Variants in MCTP2 observed in about 807,000 individuals in gnomAD.
MCTP2 encodes the protein multiple C2 and transmembrane domain containing 2, also known as multiple C2 and transmembrane domain-containing protein 2.
MCTP2 carries 132 observed loss-of-function variants against 111.6 expected under a neutral mutation model. That is an observed-to-expected ratio of 1.18 (90% CI 1.03 to 1.37). The LOEUF (loss-of-function observed/expected upper bound fraction) is 1.37, where lower values mean the gene tolerates loss of function less well. MCTP2 is among the 40% of genes most tolerant of loss of function. The pLI is 0.00. For missense variants in MCTP2, 1,183 were observed against 1,067.9 expected (o/e 1.11, Z -1.50); for synonymous variants, 395 against 387.7 (o/e 1.02, Z -0.22).
At chr15:94,462,694 C>T (rs1214437474) in intron 20 of MCTP2, among the ~76,000 whole-genome samples, 1 of 152,146 alleles carries the variant, frequency 6.6e-6, no homozygotes, top group Non-Finnish European at 1.5e-5. Context: ...GGGATCGTAA[C>T]CAATTTTCTG....
At chr15:94,328,189 C>T (rs1420114719) in intron 4 of MCTP2, among the ~76,000 whole-genome samples, 6 of 148,124 alleles carry the variant, frequency 4.1e-5, no homozygotes, top group South Asian at 2.1e-4. Flanking sequence ...AGTGCAGTGG[C>T]GTGATCTCGG....
chr15:94,450,601 T>C (rs916321668), intron 19 of MCTP2, among the ~76,000 whole-genome samples: 1 of 152,234 alleles, frequency 6.6e-6, no homozygotes, highest in Non-Finnish European at 1.5e-5. Flanking sequence ...GCTTTTAATA[T>C]TCAGTGGGAT....
At chr15:94,451,899 T>C (rs760570589) in intron 19 of MCTP2, among the ~76,000 whole-genome samples, 11 of 152,206 alleles carry the variant, frequency 7.2e-5, no homozygotes, top group Non-Finnish European at 1.3e-4. Flanking sequence ...TTTGCCTTCT[T>C]GAAGGGAAGG....
At position 94,429,623 on chromosome 15, in the gene MCTP2, T is replaced by C. The variant is rs1359272605; in HGVS notation, c.2086-10553T>C. Among the ~76,000 whole-genome samples the C allele has an allele frequency of 2.0e-5, 3 of 152,222 alleles. No individual in the cohort carries two copies. In the East Asian group the frequency reaches 5.8e-4, roughly 29 times the overall value. ...TCCTCAGGCTCTTTTTCTGATCCCC[T>C]ATCTTCTCAAACTCTAAATTTGGAC... On this transcript the variant is annotated intron_variant, in intron 17 of 22. Transcript: ENST00000357742.
intron 2 of MCTP2, among the ~76,000 whole-genome samples, chr15:94,307,513 G>A (rs1258299466): frequency 2.6e-5 from 4 of 152,214 alleles, no homozygotes; most frequent in Admixed American, 1.3e-4. Flanking sequence ...GGCAATGGGA[G>A]GAGATGGCAG....
At chr15:94,246,776 C>T (rs1356533925) in intron 1 of MCTP2, among the ~76,000 whole-genome samples, 1 of 152,148 alleles carries the variant, frequency 6.6e-6, no homozygotes, top group Non-Finnish European at 1.5e-5. Flanking sequence ...ATGATAATGT[C>T]CACTTCATTG....
chr15:94,347,582 G>A (rs990954858), intron 8 of MCTP2, among the ~76,000 whole-genome samples: 4 of 151,918 alleles, frequency 2.6e-5, no homozygotes, highest in African/African-American at 9.7e-5. Flanking sequence ...AATACAATGA[G>A]ATTGCCTTTA....
chr15:94,455,425 T>C (rs983461141), intron 19 of MCTP2, among the ~76,000 whole-genome samples: 1 of 151,974 alleles, frequency 6.6e-6, no homozygotes, highest in African/African-American at 2.4e-5. Flanking sequence ...TAAGTGCTCA[T>C]AGACAGTGTT....
At position 94,298,420 on chromosome 15, in the gene MCTP2, T is replaced by G. The variant is rs2075375039; in HGVS notation, c.155T>G (p.Val52Gly). Residue 52 changes from valine to glycine, a missense_variant, in exon 2 of 23, where the codon GTG becomes GGG. Physicochemically the swap from Val to Gly is moderately radical, Grantham distance 109. Coordinates refer to ENST00000357742, the MANE Select transcript of MCTP2 (RefSeq NM_001385001.1). The stretch of plus-strand genomic sequence containing the variant: ...TTGGACCGCCGTCTCAGCCTCTCTG[T>G]GCCTGATCTCCTGGAGGCTGAGGCC... ...HHLDRRLSLS[V>G]PDLLEAEALA... is the part of the protein sequence containing the mutation. 6.2e-7 allele frequency: 1 copy of G among 1,614,084 alleles called. No homozygotes were observed. Among genetic ancestry groups the G allele is most frequent in the Non-Finnish European group, 8.5e-7 (1 of 1,180,036 alleles).
At chr15:94,313,294 G>A (rs919810013) in intron 2 of MCTP2, among the ~76,000 whole-genome samples, 2 of 152,150 alleles carry the variant, frequency 1.3e-5, no homozygotes, top group African/African-American at 4.8e-5. Flanking sequence ...AATCTCCTTT[G>A]TGCCTATAAA....
intron 17 of MCTP2, among the ~76,000 whole-genome samples, chr15:94,429,212 C>T (rs1311289165): frequency 6.6e-6 from 1 of 151,988 alleles, no homozygotes; most frequent in African/African-American, 2.4e-5. Flanking sequence ...GACCAACACT[C>T]CATTTTACAG....
Position 94,267,869 on chromosome 15 carries a change from C to CTTTTTT in MCTP2, c.-65-30323_-65-30318dup, listed in dbSNP as rs755287019. Among the ~76,000 whole-genome samples the CTTTTTT allele has an allele frequency of 1.0e-4, 8 of 77,458 alleles. 1 individual carries two copies. The highest frequency in any genetic ancestry group is 4.6e-4 in the African/African-American group (8 of 17,436). The allele number at this position is 77,458 out of a possible 152,430, so 50.8% of individuals were successfully genotyped here. A position where few individuals can be genotyped will look rare whatever the true frequency, so the allele number is the denominator to read the frequency against. On this transcript the variant is annotated intron_variant, in intron 1 of 22. Coordinates refer to ENST00000357742, the MANE Select transcript of MCTP2 (RefSeq NM_001385001.1). ...GGTCTGGATTACTTTCCTTTTCTTT[C>CTTTTTT]TTTTTTTTTTTTTTGAGACAGAGTC... is the stretch of plus-strand genomic sequence containing the variant.
intron 21 of MCTP2, among the ~76,000 whole-genome samples, chr15:94,474,825 A>C (rs1443651198): frequency 1.1e-4 from 16 of 151,532 alleles, no homozygotes; most frequent in Non-Finnish European, 1.2e-4. Context: ...CATTTGAAAC[A>C]TGCAATCTGA....
intron 19 of MCTP2, among the ~76,000 whole-genome samples, chr15:94,447,034 GTCA>G (rs1314305859): frequency 6.6e-6 from 1 of 152,168 alleles, no homozygotes; most frequent in Non-Finnish European, 1.5e-5. Flanking sequence ...AAATTAGTTT[GTCA>G]TCATTAAAAT....
At chr15:94,462,803 T>A (rs1427164135) in intron 20 of MCTP2, among the ~76,000 whole-genome samples, 1 of 152,214 alleles carries the variant, frequency 6.6e-6, no homozygotes, top group Non-Finnish European at 1.5e-5. Context: ...GGAATAACAA[T>A]AATGATTTCT....
chr15:94,304,367 A>G (rs1171425649), intron 2 of MCTP2, among the ~76,000 whole-genome samples: 1 of 152,206 alleles, frequency 6.6e-6, no homozygotes, highest in Non-Finnish European at 1.5e-5. Context: ...GCTTGAACCC[A>G]GGAGGCAGAG....
Position 94,464,257 on chromosome 15 carries a change from T to A in MCTP2, c.2360+6011T>A, listed in dbSNP as rs1272275605. On this transcript the variant is annotated intron_variant, in intron 20 of 22. Coordinates refer to ENST00000357742, the MANE Select transcript of MCTP2 (RefSeq NM_001385001.1). The stretch of plus-strand genomic sequence containing the variant: ...TATATATAATATATATATATATATA[T>A]TATATATATATATATATATATAAAC... Among the ~76,000 whole-genome samples, 99 of 44,890 alleles carry A rather than the reference T, an allele frequency of 2.2e-3. 1 individual carries two copies. Among genetic ancestry groups the A allele is most frequent in the African/African-American group, 5.3e-3 (88 of 16,636 alleles). The allele number at this position is 44,890 out of a possible 152,430, so 29.4% of individuals were successfully genotyped here. A position where few individuals can be genotyped will look rare whatever the true frequency, so the allele number is the denominator to read the frequency against.
chr15:94,345,927 G>A (rs1475051418), intron 8 of MCTP2, among the ~76,000 whole-genome samples: 1 of 152,050 alleles, frequency 6.6e-6, no homozygotes, highest in Non-Finnish European at 1.5e-5. Context: ...AATTGTGGTG[G>A]TGGTGGTGTG....
At chr15:94,267,054 C>G (rs142681132) in intron 1 of MCTP2, among the ~76,000 whole-genome samples, 53 of 152,270 alleles carry the variant, frequency 3.5e-4, no homozygotes, top group African/African-American at 1.2e-4. Context: ...CCAGTTGATT[C>G]AGTTTTTGTG....
Sources: allele counts gnomAD v4.1 joint callset (sites outside exome capture counted in the v4.1 genomes callset), GRCh38; gene constraint gnomAD v4.1.1; transcripts MANE v1.5; gene names NCBI Gene and HGNC (gene_info 2026-07-23, HGNC 2026-07-21).